HS3ST2: variants seen among roughly 807,000 people sequenced by gnomAD.
HS3ST2 encodes the protein heparan sulfate glucosamine 3-O-sulfotransferase 2.
Under a neutral mutation model 26.3 loss-of-function variants are expected in HS3ST2, and 17 were observed. That is an observed-to-expected ratio of 0.65 (90% CI 0.44 to 0.97). The LOEUF is 0.97. Ranked by LOEUF, HS3ST2 falls within the 50% of genes least tolerant of loss-of-function variation. The probability of loss-of-function intolerance (pLI) is 0.00; values close to 1 mark genes in which losing one functional copy is unlikely to be tolerated. For synonymous variants in HS3ST2, 237 were observed against 219.2 expected, an observed-to-expected ratio of 1.08 and a Z score of -0.72; for missense variants, 402 against 501.2, an observed-to-expected ratio of 0.80 and a Z score of 1.89.
chr16:22,870,930 G>A (rs1567492886), intron 1 of HS3ST2, among the ~76,000 whole-genome samples: 2 of 152,082 alleles, frequency 1.3e-5, no homozygotes, highest in South Asian at 4.2e-4. Context: ...AAGATTTTTC[G>A]ACTTTATGAT....
intron 1 of HS3ST2, among the ~76,000 whole-genome samples, chr16:22,834,000 A>G (rs1364438908): frequency 6.6e-6 from 1 of 152,204 alleles, no homozygotes; most frequent in East Asian, 1.9e-4. Flanking sequence ...AAAGGGAGGA[A>G]TAGATAATGT....
intron 1 of HS3ST2, among the ~76,000 whole-genome samples, chr16:22,859,387 T>C (rs13336801): frequency 0.35 from 53,944 of 152,070 alleles, 11,521 homozygotes; most frequent in African/African-American, 0.6. Flanking sequence ...TTAGGAAAGA[T>C]ATTGGGGCCT....
intron 1 of HS3ST2, among the ~76,000 whole-genome samples, chr16:22,839,382 G>T (rs1901319456): frequency 6.6e-6 from 1 of 152,186 alleles, no homozygotes; most frequent in African/African-American, 2.4e-5. Flanking sequence ...AGTAGCAAAG[G>T]AGGAGTAGAA....
chr16:22,864,559 GC>G (rs1388631408), intron 1 of HS3ST2, among the ~76,000 whole-genome samples: 2 of 152,120 alleles, frequency 1.3e-5, no homozygotes, highest in Admixed American at 1.3e-4. Context: ...TCCAAATGTG[GC>G]TGCAGGGGCC....
rs114832774 is a variant in HS3ST2, at chr16:22,852,051, G to A, written c.485+36956G>A. On this transcript the variant is annotated intron_variant, in intron 1 of 1. Transcript: ENST00000261374. ...AGCTCAGCCTAGGCCAGTGGTTCTCGACTGAAAGTGTTTTTTCCTATCAGG... is the reference window on the plus strand; with the variant it reads ...AGCTCAGCCTAGGCCAGTGGTTCTCAACTGAAAGTGTTTTTTCCTATCAGG... Among the ~76,000 whole-genome samples the A allele has an allele frequency of 2.3e-3, 355 of 152,288 alleles. 1 individual carries two copies. The highest frequency in any genetic ancestry group is 8.3e-3 in the African/African-American group (343 of 41,564).
intron 1 of HS3ST2, among the ~76,000 whole-genome samples, chr16:22,851,466 G>C (rs1395876371): frequency 6.6e-6 from 1 of 152,170 alleles, no homozygotes; most frequent in Non-Finnish European, 1.5e-5. Flanking sequence ...TTAGTCTTCT[G>C]ATTCTAAGTT....
chr16:22,848,363 A>T (rs79968542), intron 1 of HS3ST2, among the ~76,000 whole-genome samples: 1 of 152,166 alleles, frequency 6.6e-6, no homozygotes, highest in African/African-American at 2.4e-5. Context: ...GCACTCAGAA[A>T]ATGCTAGCTT....
intron 1 of HS3ST2, among the ~76,000 whole-genome samples, chr16:22,827,248 G>A (rs969578073): frequency 2.0e-5 from 3 of 152,182 alleles, no homozygotes; most frequent in Non-Finnish European, 4.4e-5. Flanking sequence ...CCCAAGAAGT[G>A]CACAAGGGAT....
At chr16:22,855,514 T>A (rs1236503098) in intron 1 of HS3ST2, among the ~76,000 whole-genome samples, 2 of 152,164 alleles carry the variant, frequency 1.3e-5, no homozygotes, top group Non-Finnish European at 2.9e-5. Context: ...CCTGTCCAGC[T>A]GCAACTGCCA....
At chr16:22,872,552 C>T (rs776801010) in intron 1 of HS3ST2, among the ~76,000 whole-genome samples, 31 of 152,160 alleles carry the variant, frequency 2.0e-4, no homozygotes, top group Non-Finnish European at 3.7e-4. Context: ...TGTTAATGAT[C>T]AGCTGGAAAG....
intron 1 of HS3ST2, among the ~76,000 whole-genome samples, chr16:22,885,038 G>T (rs1232440785): frequency 6.6e-6 from 1 of 151,472 alleles, no homozygotes; most frequent in Non-Finnish European, 1.5e-5. Context: ...ATAGGGTTTC[G>T]CCATGTTAGC....
At chr16:22,907,168 A>G (rs750237792) in intron 1 of HS3ST2, among the ~76,000 whole-genome samples, 1 of 152,186 alleles carries the variant, frequency 6.6e-6, no homozygotes, top group African/African-American at 2.4e-5. Flanking sequence ...TGCAAAACAC[A>G]TATGAAAGGG....
intron 1 of HS3ST2, among the ~76,000 whole-genome samples, chr16:22,890,876 T>C (rs755031490): frequency 3.3e-5 from 5 of 152,182 alleles, no homozygotes; most frequent in Non-Finnish European, 7.3e-5. Context: ...AAGTAAAAGT[T>C]AGCCTTAACC....
rs779052887 is a variant in HS3ST2, at chr16:22,814,631, C to A, written c.21C>A (p.Gly7=). 112 of 1,550,722 alleles carry A rather than the reference C, an allele frequency of 7.2e-5. No individual in the cohort carries two copies. The East Asian group carries it at 2.0e-3, about 27-fold the overall frequency. The change falls in exon 1 of 2, where the codon GGC becomes GGA. Residue 7 remains glycine (G), a synonymous_variant. Coordinates refer to ENST00000261374, the MANE Select transcript of HS3ST2 (RefSeq NM_006043.2). ...GAGCCATGGCCTATAGGGTCCTGGG[C>A]CGCGCGGGGCCACCTCAGCCGCGGA... The part of the protein sequence containing the change: MAYRVL[G]RAGPPQPRRA...
At chr16:22,894,937 AT>A (rs1463272721) in intron 1 of HS3ST2, among the ~76,000 whole-genome samples, 1 of 152,140 alleles carries the variant, frequency 6.6e-6, no homozygotes, top group Non-Finnish European at 1.5e-5. Context: ...ACATTTTGAT[AT>A]TTATATTTTT....
At position 22,819,102 on chromosome 16, in the gene HS3ST2, C is replaced by CCCTT. The variant is rs1406985269; in HGVS notation, c.485+4033_485+4036dup. 9.1e-4 allele frequency among the ~76,000 whole-genome samples: 11 copies of CCCTT among 12,154 alleles called. 1 individual carries two copies. Among genetic ancestry groups the CCCTT allele is most frequent in the Non-Finnish European group, 1.5e-3 (11 of 7,572 alleles). 8.0% of individuals were successfully genotyped at this position (12,154 alleles called of 152,430 possible). On this transcript the variant is annotated intron_variant, in intron 1 of 1. Coordinates refer to ENST00000261374, the MANE Select transcript of HS3ST2 (RefSeq NM_006043.2). Reference sequence around the variant, plus strand: ...TCCCTCCCTCCCTTCCTCCCTCCCTCCCTTCCTTCCTTCCTTCCTTCCTTC... The same window carrying CCCTT: ...TCCCTCCCTCCCTTCCTCCCTCCCTCCCTTCCTTCCTTCCTTCCTTCCTTCCTTC...
intron 1 of HS3ST2, among the ~76,000 whole-genome samples, chr16:22,901,836 A>G (rs1341578876): frequency 6.6e-6 from 1 of 152,150 alleles, no homozygotes; most frequent in Non-Finnish European, 1.5e-5. Context: ...TCCACAGTAG[A>G]GGCTTTCTTC....
At chr16:22,843,655 G>A (rs1901391388) in intron 1 of HS3ST2, among the ~76,000 whole-genome samples, 1 of 152,138 alleles carries the variant, frequency 6.6e-6, no homozygotes, top group African/African-American at 2.4e-5. Flanking sequence ...CTTCATGGAG[G>A]CGGGGTGCAT....
At chr16:22,906,043 C>T (rs1902346276) in intron 1 of HS3ST2, among the ~76,000 whole-genome samples, 1 of 152,110 alleles carries the variant, frequency 6.6e-6, no homozygotes, top group Admixed American at 6.5e-5. Flanking sequence ...GTTCTAAGCA[C>T]TGGTGGCCCA....
Sources: gnomAD v4.1 joint callset for allele counts (sites outside exome capture counted in the v4.1 genomes callset) on GRCh38, gnomAD v4.1.1 for gene constraint, MANE v1.5 for transcripts, NCBI Gene and HGNC (gene_info 2026-07-23, HGNC 2026-07-21) for gene names.